Variants in ANXA13 observed in about 807,000 individuals in gnomAD.
ANXA13 encodes annexin A13.
A neutral mutation model predicts 46.6 loss-of-function variants in ANXA13; 36 were observed. The ratio of observed to expected loss-of-function variants is 0.77; its 90% confidence interval spans 0.59 to 1.02. The LOEUF is 1.02. Ranked by LOEUF, ANXA13 falls within the 50% of genes least tolerant of loss-of-function variation. The pLI is 0.00. For synonymous variants in ANXA13, 163 were observed against 152.9 expected, an observed-to-expected ratio of 1.07 and a Z score of -0.49; for missense variants, 417 against 396.5, an observed-to-expected ratio of 1.05 and a Z score of -0.44.
intron 6 of ANXA13, among the ~76,000 whole-genome samples, chr8:123,695,262 C>A (rs1813308732): frequency 6.6e-6 from 1 of 152,026 alleles, no homozygotes; most frequent in African/African-American, 2.4e-5. Context: ...TGAGCCGATT[C>A]ATTTACAAAA....
In ANXA13 at chr8:123,690,259, C is replaced by T. The variant is rs1008145159; in HGVS notation, c.643-1313G>A. ...AAAAATCCTCACATTAAACCGTTTT[C>T]CATTTCTATTGTTAATACCAGGCTA... On this transcript the variant is annotated intron_variant, in intron 8 of 10. Transcript: ENST00000419625. The surrounding 1 kb of genome is among the most constrained non-coding windows in gnomAD (Gnocchi z 4.6). Among the ~76,000 whole-genome samples, 2 of 152,190 alleles carry T rather than the reference C, an allele frequency of 1.3e-5. No homozygotes were observed. Among genetic ancestry groups the T allele is most frequent in the African/African-American group, 4.8e-5 (2 of 41,440 alleles).
chr8:123,718,309 G>A (rs1490996103), intron 1 of ANXA13, among the ~76,000 whole-genome samples: 1 of 152,090 alleles, frequency 6.6e-6, no homozygotes, highest in East Asian at 1.9e-4. Context: ...CTTGTAAATG[G>A]CACTCTAAAG....
intron 1 of ANXA13, 131 bp from the exon 2 acceptor site, chr8:123,712,884 G>T: frequency 1.3e-6 from 1 of 771,208 alleles, no homozygotes. Flanking sequence ...TCACACACTG[G>T]TACATGCGGA....
At position 123,693,179 on chromosome 8, in the gene ANXA13, CA is replaced by C; in HGVS notation, c.642+17del. 6.2e-7 allele frequency: 1 copy of C among 1,608,686 alleles called. No homozygotes were observed. Among genetic ancestry groups the C allele is most frequent in the Non-Finnish European group, 8.5e-7 (1 of 1,175,390 alleles). ...ACTTTCAGAGTGAACTCTTTTGCCC[CA>C]ATACTTTATGACTTACAATTTGATA... On this transcript the variant is annotated intron_variant, in intron 8 of 10. Coordinates refer to ENST00000419625, the MANE Select transcript of ANXA13 (RefSeq NM_004306.4).
intron 8 of ANXA13, among the ~76,000 whole-genome samples, chr8:123,692,968 G>A (rs1349064494): frequency 2.0e-5 from 3 of 151,978 alleles, no homozygotes; most frequent in East Asian, 1.9e-4. Context: ...GCTGTTTAGC[G>A]GCATCCCGGG....
At chr8:123,710,888 A>G (rs1813645919) in intron 2 of ANXA13, among the ~76,000 whole-genome samples, 1 of 152,168 alleles carries the variant, frequency 6.6e-6, no homozygotes, top group Non-Finnish European at 1.5e-5. Context: ...AAATCTAGGA[A>G]ATTAATCCAC....
intron 2 of ANXA13, among the ~76,000 whole-genome samples, chr8:123,703,938 T>C (rs976777075): frequency 2.0e-5 from 3 of 152,184 alleles, no homozygotes; most frequent in Non-Finnish European, 4.4e-5. Flanking sequence ...TTATTCAGGT[T>C]GGACTCAAAT....
At chr8:123,732,890 A>C (rs927562396) in intron 1 of ANXA13, among the ~76,000 whole-genome samples, 10 of 152,144 alleles carry the variant, frequency 6.6e-5, no homozygotes, top group Non-Finnish European at 2.9e-5. Context: ...AGATTTCCTG[A>C]GGTCAAGTGC....
At chr8:123,733,981 T>C (rs1188808511) in intron 1 of ANXA13, among the ~76,000 whole-genome samples, 1 of 152,214 alleles carries the variant, frequency 6.6e-6, no homozygotes, top group African/African-American at 2.4e-5. Context: ...TATGATTCAA[T>C]AGATCTGAGT....
At chr8:123,726,502 C>T (rs970822) in intron 1 of ANXA13, among the ~76,000 whole-genome samples, 55,113 of 152,050 alleles carry the variant, frequency 0.36, 10,346 homozygotes, top group South Asian at 0.48. Flanking sequence ...TGGGGTAGCC[C>T]TTTTGGGGGC....
chr8:123,700,798 C>T (rs1412499551), intron 3 of ANXA13, among the ~76,000 whole-genome samples: 1 of 150,882 alleles, frequency 6.6e-6, no homozygotes, highest in African/African-American at 2.4e-5. Flanking sequence ...CCTTCCTCTC[C>T]ACCTCCCTTT....
At chr8:123,696,685 T>C (rs772831418) in intron 4 of ANXA13, among the ~76,000 whole-genome samples, 6 of 152,142 alleles carry the variant, frequency 3.9e-5, no homozygotes, top group Non-Finnish European at 8.8e-5. Flanking sequence ...GGCTAGGTGC[T>C]GGGGGAGGCT....
chr8:123,711,619 CTT>C (rs3054145), intron 2 of ANXA13: 17 of 142,922 alleles, frequency 1.2e-4, no homozygotes, highest in South Asian at 4.4e-4. Context: ...GTTCTTTTTT[CTT>C]TTTTTTTTTT....
At chr8:123,718,029 C>A (rs141236213) in intron 1 of ANXA13, among the ~76,000 whole-genome samples, 1 of 152,344 alleles carries the variant, frequency 6.6e-6, no homozygotes, top group Non-Finnish European at 1.5e-5. Context: ...AAACTCCCTG[C>A]GATTCCTCGA....
At chr8:123,734,418 T>C (rs1814203004) in intron 1 of ANXA13, among the ~76,000 whole-genome samples, 1 of 152,148 alleles carries the variant, frequency 6.6e-6, no homozygotes, top group Non-Finnish European at 1.5e-5. Context: ...TCCTCCAGGA[T>C]AAGGAAATTC....
At chr8:123,693,581 A>G (rs1189630840) in intron 7 of ANXA13, 130 bp downstream of exon 7, 2 of 814,470 alleles carry the variant, frequency 2.5e-6, no homozygotes, top group Non-Finnish European at 3.9e-6. Context: ...ATGATCTAGA[A>G]AGATCTAAGC....
In ANXA13 at chr8:123,684,669, T is replaced by A. The variant is rs749967808; in HGVS notation, c.772A>T (p.Met258Leu). ...TCCTCATCGGTCCCCGCACCCTTCA[T>A]CGACTTGTACAGACGTTCAGCAAAA... ...DYFAERLYKSMKGAGTDEETL... is the reference protein window; with the variant it reads ...DYFAERLYKSLKGAGTDEETL... Residue 258 changes from methionine to leucine, a missense_variant, in exon 10 of 11, where the codon ATG becomes TTG. Coordinates refer to ENST00000419625, the MANE Select transcript of ANXA13 (RefSeq NM_004306.4). 1 of 1,614,194 alleles carries A rather than the reference T, an allele frequency of 6.2e-7. No homozygotes were observed. The highest frequency in any genetic ancestry group is 1.1e-5 in the South Asian group (1 of 91,086).
At chr8:123,709,733 C>T (rs149176592) in intron 2 of ANXA13, among the ~76,000 whole-genome samples, 1 of 152,174 alleles carries the variant, frequency 6.6e-6, no homozygotes, top group Non-Finnish European at 1.5e-5. Context: ...GGCTACCATT[C>T]TATGGCTAGA....
At chr8:123,714,063 C>A (rs6985584) in intron 1 of ANXA13, among the ~76,000 whole-genome samples, 3,706 of 152,266 alleles carry the variant, frequency 0.024, 164 homozygotes, top group African/African-American at 0.085. Flanking sequence ...CGCAGTTCAA[C>A]TCTCCCTGCT....
Sources: allele counts gnomAD v4.1 joint callset (sites outside exome capture counted in the v4.1 genomes callset), GRCh38; gene constraint gnomAD v4.1.1; non-coding constraint Gnocchi (gnomAD v3.1); transcripts MANE v1.5; gene names NCBI Gene and HGNC (gene_info 2026-07-23, HGNC 2026-07-21).